MDGA2: variants seen among roughly 807,000 people sequenced by gnomAD.
MDGA2 encodes the protein MAM domain containing glycosylphosphatidylinositol anchor 2.
Under a neutral mutation model 117.8 loss-of-function variants are expected in MDGA2, and 40 were observed. That is an observed-to-expected ratio of 0.34 (90% CI 0.26 to 0.44). The LOEUF (loss-of-function observed/expected upper bound fraction) is 0.44. Among genes scored for constraint, MDGA2 ranks in the 20% least tolerant of loss-of-function variants. The probability of loss-of-function intolerance (pLI) is 1.00; values close to 1 mark genes in which losing one functional copy is unlikely to be tolerated. For synonymous variants in MDGA2, 452 were observed against 439.0 expected (o/e 1.03, Z -0.37); for missense variants, 1,123 against 1,250.6 (o/e 0.90, Z 1.54).
intron 6 of MDGA2, among the ~76,000 whole-genome samples, chr14:47,085,355 A>G (rs562679831): frequency 2.4e-4 from 37 of 152,310 alleles, no homozygotes; most frequent in African/African-American, 8.9e-4. Context: ...AAAACCTAGA[A>G]TTCAAATGTT....
chr14:47,124,497 G>A (rs1881802190), intron 5 of MDGA2, among the ~76,000 whole-genome samples: 1 of 152,006 alleles, frequency 6.6e-6, no homozygotes, highest in South Asian at 2.1e-4. Flanking sequence ...TTCTTGCTTT[G>A]ATTTAGCATA....
intron 3 of MDGA2, among the ~76,000 whole-genome samples, chr14:47,151,789 A>G (rs556038508): frequency 1.3e-5 from 2 of 151,940 alleles, no homozygotes; most frequent in East Asian, 1.9e-4. Context: ...ATATATTTCA[A>G]TAACAATATG....
At chr14:47,230,803 A>G (rs1393833188) in intron 2 of MDGA2, among the ~76,000 whole-genome samples, 4 of 151,978 alleles carry the variant, frequency 2.6e-5, no homozygotes, top group Non-Finnish European at 5.9e-5. Context: ...CATAAGAAAC[A>G]ATATACATTA....
At chr14:47,645,525 C>T (rs564547029) in intron 1 of MDGA2, among the ~76,000 whole-genome samples, 4 of 151,952 alleles carry the variant, frequency 2.6e-5, no homozygotes, top group Admixed American at 2.0e-4. Context: ...TGAGCCACCG[C>T]GCCCGGCCCA....
intron 1 of MDGA2, among the ~76,000 whole-genome samples, chr14:47,538,987 G>C (rs1310220515): frequency 6.6e-6 from 1 of 152,178 alleles, no homozygotes; most frequent in East Asian, 1.9e-4. Context: ...GAGAAGGTAT[G>C]GCTGCAGCCC....
At chr14:47,024,833 G>A (rs1888416391) in intron 8 of MDGA2, among the ~76,000 whole-genome samples, 1 of 152,012 alleles carries the variant, frequency 6.6e-6, no homozygotes, top group South Asian at 2.1e-4. Flanking sequence ...GTGTCCTTTT[G>A]AAGAACCTTT....
At chr14:46,854,271 G>A (rs1022371695) in intron 15 of MDGA2, among the ~76,000 whole-genome samples, 2 of 151,376 alleles carry the variant, frequency 1.3e-5, no homozygotes, top group African/African-American at 4.8e-5. Context: ...AAAGCATAGA[G>A]CTGTATAAGA....
chr14:46,846,629 A>G (rs1443249213), intron 15 of MDGA2, among the ~76,000 whole-genome samples: 1 of 152,140 alleles, frequency 6.6e-6, no homozygotes, highest in East Asian at 1.9e-4. Flanking sequence ...TAGAAGCACA[A>G]TTAGCAAATT....
intron 1 of MDGA2, among the ~76,000 whole-genome samples, chr14:47,562,265 C>T (rs894963542): frequency 6.6e-6 from 1 of 152,152 alleles, no homozygotes; most frequent in African/African-American, 2.4e-5. Flanking sequence ...GGAGGATTCC[C>T]TCCTTCTCAA....
At chr14:47,499,962 A>G (rs1894365561) in intron 1 of MDGA2, among the ~76,000 whole-genome samples, 1 of 152,210 alleles carries the variant, frequency 6.6e-6, no homozygotes, top group Admixed American at 6.5e-5. Context: ...TGTGAAATTT[A>G]GTAGTAGACA....
At chr14:47,546,478 T>C (rs1895465492) in intron 1 of MDGA2, among the ~76,000 whole-genome samples, 1 of 152,210 alleles carries the variant, frequency 6.6e-6, no homozygotes, top group South Asian at 2.1e-4. Flanking sequence ...CATAGTATTA[T>C]TGAAGCAGGC....
At chr14:47,349,510 CA>C (rs955257350) in intron 1 of MDGA2, among the ~76,000 whole-genome samples, 50 of 152,262 alleles carry the variant, frequency 3.3e-4, no homozygotes, top group African/African-American at 1.2e-3. Context: ...TCCCTATTTA[CA>C]AAATTATATG....
At chr14:47,235,744 C>T (rs1034620496) in intron 2 of MDGA2, among the ~76,000 whole-genome samples, 1 of 152,168 alleles carries the variant, frequency 6.6e-6, no homozygotes, top group Non-Finnish European at 1.5e-5. Context: ...AAACATACTT[C>T]CATTGCCATT....
chr14:47,236,575 T>C (rs1405694892), intron 2 of MDGA2, among the ~76,000 whole-genome samples: 1 of 152,184 alleles, frequency 6.6e-6, no homozygotes, highest in Non-Finnish European at 1.5e-5. Flanking sequence ...TGATGTCTTC[T>C]CAAATGCTTC....
rs34958634 is a variant in MDGA2, at chr14:46,918,760, C to CTTTTTTTTTTTTTTTTTTTTTTTTTT, written c.2238+1251_2238+1252insAAAAAAAAAAAAAAAAAAAAAAAAAA. Among the ~76,000 whole-genome samples the CTTTTTTTTTTTTTTTTTTTTTTTTTT allele has an allele frequency of 3.2e-5, 4 of 124,766 alleles. 1 individual carries two copies. The highest frequency in any genetic ancestry group is 1.3e-4 in the African/African-American group (4 of 29,838). The allele number at this position is 124,766 out of a possible 152,430, so 81.9% of individuals were successfully genotyped here. A position where few individuals can be genotyped will look rare whatever the true frequency, so the allele number is the denominator to read the frequency against. ...TAAGAATATGCTACATACAGTGTAT[C>CTTTTTTTTTTTTTTTTTTTTTTTTTT]TTTTTTTTTTTTTTTTTGGAATCGG... On this transcript the variant is annotated intron_variant, in intron 10 of 16. Transcript: ENST00000399232.
At chr14:47,441,876 T>C (rs1175265930) in intron 1 of MDGA2, among the ~76,000 whole-genome samples, 24 of 152,184 alleles carry the variant, frequency 1.6e-4, no homozygotes, top group Admixed American at 1.6e-3. Context: ...GCTGCCACAA[T>C]GTATCTTGGG....
At chr14:47,126,001 CATAAT>C (rs1354871367) in intron 5 of MDGA2, among the ~76,000 whole-genome samples, 17 of 152,002 alleles carry the variant, frequency 1.1e-4, no homozygotes, top group Non-Finnish European at 2.2e-4. Context: ...TGGTAACACA[CATAAT>C]ATAAGAAATT....
intron 1 of MDGA2, among the ~76,000 whole-genome samples, chr14:47,473,503 G>C (rs775823941): frequency 2.6e-5 from 4 of 152,042 alleles, no homozygotes; most frequent in Non-Finnish European, 4.4e-5. Flanking sequence ...AAGTAAAAAA[G>C]AGAAGCACCA....
intron 1 of MDGA2, among the ~76,000 whole-genome samples, chr14:47,661,513 T>C (rs1897845050): frequency 1.3e-5 from 2 of 152,160 alleles, no homozygotes; most frequent in Non-Finnish European, 2.9e-5. Context: ...AATCCAGACA[T>C]GAATATAGAT....
Sources: allele counts gnomAD v4.1 joint callset (sites outside exome capture counted in the v4.1 genomes callset), GRCh38; gene constraint gnomAD v4.1.1; transcripts MANE v1.5; gene names NCBI Gene and HGNC (gene_info 2026-07-23, HGNC 2026-07-21).